SRMS: variants seen among roughly 807,000 people sequenced by gnomAD.
SRMS encodes tyrosine-protein kinase Srms.
A neutral mutation model predicts 43.5 loss-of-function variants in SRMS; 42 were observed. That is an observed-to-expected ratio of 0.97 (90% CI 0.75 to 1.25). The LOEUF (loss-of-function observed/expected upper bound fraction) is 1.25, where lower values mean the gene tolerates loss of function less well. Among genes scored for constraint, SRMS ranks in the 50% most tolerant of loss-of-function variants. The pLI is 0.00. For synonymous variants in SRMS, 316 were observed against 308.2 expected, an observed-to-expected ratio of 1.03 and a Z score of -0.27; for missense variants, 703 against 681.0, an observed-to-expected ratio of 1.03 and a Z score of -0.36.
At position 63,542,158 on chromosome 20, in the gene SRMS, C is replaced by T. The variant is rs1261845920; in HGVS notation, c.946+5G>A. Reference sequence around the variant, plus strand: ...GGGCCACGTGGCAGCAGGGAGGGGACTCACTGCCCAGGAAGGCCTGCAGGT... The same window carrying T: ...GGGCCACGTGGCAGCAGGGAGGGGATTCACTGCCCAGGAAGGCCTGCAGGT... On this transcript the variant is annotated splice_donor_5th_base_variant and intron_variant, in intron 5 of 7. Transcript: ENST00000217188. 3 of 1,604,392 alleles carry T rather than the reference C, an allele frequency of 1.9e-6. No homozygotes were observed. Among genetic ancestry groups the T allele is most frequent in the Non-Finnish European group, 8.5e-7 (1 of 1,173,804 alleles).
rs2082703255 is a variant in SRMS at position 63,541,477 on chromosome 20, A to G, written c.1090T>C (p.Cys364Arg). The G allele has an allele frequency of 6.2e-7, 1 of 1,607,840 alleles. No homozygotes were observed. The highest frequency in any genetic ancestry group is 8.5e-7 in the Non-Finnish European group (1 of 1,179,286). ...RNVLVDDGLA[C>R]KVADFGLARL... Reference sequence around the variant, plus strand: ...GCCAGGCCGAAGTCAGCCACCTTGCAGGCCAGGCCGTCGTCCACGAGCACG... The same window carrying G: ...GCCAGGCCGAAGTCAGCCACCTTGCGGGCCAGGCCGTCGTCCACGAGCACG... The change falls in exon 6 of 8, where the codon TGC becomes CGC. Residue 364 changes from cysteine to arginine, a missense_variant. Transcript: ENST00000217188.
At chr20:63,543,654 C>T (rs1183459305) in intron 2 of SRMS, 174 bp from the exon 3 acceptor site, 14 of 767,890 alleles carry the variant, frequency 1.8e-5, no homozygotes, top group East Asian at 1.4e-4. Flanking sequence ...CAGGCTGGGG[C>T]GGGGCAGCGA....
rs576890630 is a variant in SRMS at position 63,540,485 on chromosome 20, C to T, written c.*333G>A. On this transcript the variant is annotated 3_prime_UTR_variant, in exon 8 of 8. Transcript: ENST00000217188. ...CTTGAGAGGCCAGGGACACGTGTCA[C>T]ACTGCACGGGGAACGTCAGCCCCAG... 6.6e-6 allele frequency among the ~76,000 whole-genome samples: 1 copy of T among 152,286 alleles called. No homozygotes were observed. Among genetic ancestry groups the T allele is most frequent in the African/African-American group, 2.4e-5 (1 of 41,550 alleles).
intron 1 of SRMS, among the ~76,000 whole-genome samples, chr20:63,545,363 G>A (rs1396576643): frequency 6.6e-6 from 1 of 152,222 alleles, no homozygotes; most frequent in Non-Finnish European, 1.5e-5. Flanking sequence ...ACCCGGAGAG[G>A]GATGCCTGCC....
Position 63,540,517 on chromosome 20 carries a change from G to A in SRMS, c.*301C>T, listed in dbSNP as rs575399563. 3.9e-5 allele frequency among the ~76,000 whole-genome samples: 6 copies of A among 152,194 alleles called. No homozygotes were observed. The highest frequency in any genetic ancestry group is 8.8e-5 in the Non-Finnish European group (6 of 67,990). On this transcript the variant is annotated 3_prime_UTR_variant, in exon 8 of 8. Transcript: ENST00000217188. ...CGGGGAACGTCAGCCCCAGCCCTCCGTCTGCACGAGTCACACTGCACGGGG... is the reference window on the plus strand; with the variant it reads ...CGGGGAACGTCAGCCCCAGCCCTCCATCTGCACGAGTCACACTGCACGGGG...
In SRMS at chr20:63,540,980, C is replaced by T. The variant is rs745966576; in HGVS notation, c.1305G>A (p.Thr435=). 10 of 1,608,764 alleles carry T rather than the reference C, an allele frequency of 6.2e-6. No individual in the cohort carries two copies. The highest frequency in any genetic ancestry group is 8.5e-6 in the Non-Finnish European group (10 of 1,179,492). Residue 435 remains threonine, a synonymous_variant, in exon 8 of 8, where the codon ACG becomes ACA. Transcript: ENST00000217188. ...CPYEGMTNHE[T]LQQIMRGYRL... The stretch of plus-strand genomic sequence containing the variant: ...GGTACCCTCGCATGATCTGCTGCAG[C>T]GTCTCGTGGTTGGTCATCCCTGGGA...
rs375350107 is a variant in SRMS, at chr20:63,542,268, G to T, written c.841C>A (p.Arg281=). 2 of 1,612,376 alleles carry T rather than the reference G, an allele frequency of 1.2e-6. No individual in the cohort carries two copies. The highest frequency in any genetic ancestry group is 2.7e-5 in the African/African-American group (2 of 74,932). ...TGCAGCCGGATGAGCCGCTCGTGCCGCAGGCCCTTCAGTGTCTGGATCTCC... is the reference window on the plus strand; with the variant it reads ...TGCAGCCGGATGAGCCGCTCGTGCCTCAGGCCCTTCAGTGTCTGGATCTCC... ...AKEIQTLKGL[R]HERLIRLHAV... is the part of the protein sequence containing the mutation. The change falls in exon 5 of 8, where the codon CGG becomes AGG. Residue 281 remains arginine, a synonymous_variant. Transcript: ENST00000217188.
intron 1 of SRMS, 124 bp downstream of exon 1, chr20:63,546,984 T>C (rs1173725168): frequency 1.1e-6 from 1 of 919,216 alleles, no homozygotes; most frequent in Non-Finnish European, 1.6e-6. Flanking sequence ...AATGAATGCG[T>C]GGATGAACGA....
At position 63,542,189 on chromosome 20, in the gene SRMS, T is replaced by C; in HGVS notation, c.920A>G (p.Lys307Arg). The C allele has an allele frequency of 1.2e-6, 2 of 1,610,984 alleles. No individual in the cohort carries two copies. Among genetic ancestry groups the C allele is most frequent in the Non-Finnish European group, 1.7e-6 (2 of 1,178,514 alleles). Residue 307 changes from lysine (K) to arginine (R), a missense_variant, in exon 5 of 8, where the codon AAG becomes AGG. Coordinates refer to ENST00000217188, the MANE Select transcript of SRMS (RefSeq NM_080823.4). ...PVYIVTELMRKGNLQAFLGTP... is the reference protein window; with the variant it reads ...PVYIVTELMRRGNLQAFLGTP... ...GCCCAGGAAGGCCTGCAGGTTCCCC[T>C]TGCGCATGAGTTCCGTGACGATGTA...
intron 1 of SRMS, 63 bp from the exon 2 acceptor site, chr20:63,544,411 C>T (rs2082720370): frequency 5.7e-6 from 8 of 1,407,012 alleles, no homozygotes; most frequent in Middle Eastern, 2.5e-4. Context: ...CACATGCTCT[C>T]CTCCGTGTTG....
Position 63,540,965 on chromosome 20 carries a change from C to G in SRMS, c.1320G>C (p.Met440Ile). ...CCGGGCGCGGCAGCCGGTACCCTCG[C>G]ATGATCTGCTGCAGCGTCTCGTGGT... ...MTNHETLQQI[M>I]RGYRLPRPAA... The change falls in exon 8 of 8, where the codon ATG becomes ATC. Residue 440 changes from methionine to isoleucine, a missense_variant. Physicochemically the swap from Met to Ile is conservative, Grantham distance 10. Transcript: ENST00000217188. 1.9e-6 allele frequency: 3 copies of G among 1,608,644 alleles called. No individual in the cohort carries two copies. Among genetic ancestry groups the G allele is most frequent in the Non-Finnish European group, 2.5e-6 (3 of 1,179,544 alleles).
chr20:63,542,563 C>A lies in SRMS; in HGVS notation c.664G>T (p.Val222Leu). ...AATTCGGAGTGTGGCCGCTCCCACACGTCCTGCCTCGGGGCCTTCTGCAGG... is the reference window on the plus strand; with the variant it reads ...AATTCGGAGTGTGGCCGCTCCCACAAGTCCTGCCTCGGGGCCTTCTGCAGG... ...CMPQKAPRQD[V>L]WERPHSEFAL... The change falls in exon 4 of 8, where the codon GTG (valine) becomes TTG (leucine). Residue 222 changes from valine (V) to leucine (L), a missense_variant. By Grantham distance (32) the Val-to-Leu change is conservative (BLOSUM62 1). Transcript: ENST00000217188. 6.5e-7 allele frequency: 1 copy of A among 1,529,626 alleles called. No individual in the cohort carries two copies. Among genetic ancestry groups the A allele is most frequent in the Non-Finnish European group, 8.9e-7 (1 of 1,127,740 alleles). The allele number at this position is 1,529,626 out of a possible 1,614,324, so 94.8% of individuals were successfully genotyped here.
chr20:63,542,584 G>A lies in SRMS; in HGVS notation c.646-3C>T. The A allele has an allele frequency of 6.2e-7, 1 of 1,604,312 alleles. No homozygotes were observed. The highest frequency in any genetic ancestry group is 1.1e-5 in the South Asian group (1 of 89,966). On this transcript the variant is annotated splice_polypyrimidine_tract_variant and splice_region_variant and intron_variant, in intron 3 of 7. Coordinates refer to ENST00000217188, the MANE Select transcript of SRMS (RefSeq NM_080823.4). ...CACACGTCCTGCCTCGGGGCCTTCT[G>A]CAGGGAGGGTGGGCAGGGAGGCTGG...
chr20:63,542,302 G>A lies in SRMS; in HGVS notation c.807C>T (p.Asp269=), dbSNP rs777175453. ...VIKSANMKLT[D]LAKEIQTLKG... is the part of the protein sequence containing the mutation. ...TCAGTGTCTGGATCTCCTTGGCGAG[G>A]TCAGTGAGCTTCATGTTGGCTGCGA... The change falls in exon 5 of 8, where the codon GAC becomes GAT. Residue 269 remains aspartate, a synonymous_variant. Coordinates refer to ENST00000217188, the MANE Select transcript of SRMS (RefSeq NM_080823.4). 1 of 1,610,754 alleles carries A rather than the reference G, an allele frequency of 6.2e-7. No individual in the cohort carries two copies. Among genetic ancestry groups the A allele is most frequent in the Non-Finnish European group, 8.5e-7 (1 of 1,178,216 alleles).
At chr20:63,543,234 G>T in intron 3 of SRMS, 80 bp downstream of exon 3, 2 of 1,538,212 alleles carry the variant, frequency 1.3e-6, no homozygotes, top group South Asian at 1.2e-5. Flanking sequence ...CAGGGGTTTT[G>T]TGACGGGGTG....
rs369697985 is a variant in SRMS, at chr20:63,542,529, C to T, written c.698G>A (p.Gly233Glu). The T allele has an allele frequency of 6.2e-6, 10 of 1,612,702 alleles. No individual in the cohort carries two copies. In the African/African-American group the frequency reaches 9.3e-5, roughly 15 times the overall value. The change falls in exon 4 of 8, where the codon GGG (glycine) becomes GAG (glutamate). Residue 233 changes from glycine (G) to glutamate (E), a missense_variant. Transcript: ENST00000217188. ...WERPHSEFAL[G>E]RKLGEGYFGE... The stretch of plus-strand genomic sequence containing the variant: ...AAAGTAGCCTTCACCCAGCTTCCTC[C>T]CAAGGGCGAATTCGGAGTGTGGCCG...
chr20:63,544,022 C>T (rs1382558653), intron 2 of SRMS, among the ~76,000 whole-genome samples: 1 of 152,182 alleles, frequency 6.6e-6, no homozygotes, highest in Non-Finnish European at 1.5e-5. Context: ...GAATGAGTGA[C>T]TGAATGAATG....
chr20:63,545,822 C>A (rs866803255), intron 1 of SRMS, among the ~76,000 whole-genome samples: 3 of 152,108 alleles, frequency 2.0e-5, no homozygotes, highest in African/African-American at 7.2e-5. Context: ...GCAACCCTCT[C>A]ACGTGTAAAG....
At chr20:63,542,133 G>C in intron 5 of SRMS, 30 bp downstream of exon 5, 1 of 1,591,896 alleles carries the variant, frequency 6.3e-7, no homozygotes, top group Non-Finnish European at 8.6e-7. Flanking sequence ...AGGCGCGTCA[G>C]GGCCACGTGG....
Sources: gnomAD v4.1 joint callset for allele counts (sites outside exome capture counted in the v4.1 genomes callset) on GRCh38, gnomAD v4.1.1 for gene constraint, MANE v1.5 for transcripts, NCBI Gene and HGNC (gene_info 2026-07-23, HGNC 2026-07-21) for gene names.